Variants in SDHAF3 observed in about 807,000 individuals in gnomAD.
The protein encoded by SDHAF3 is succinate dehydrogenase complex assembly factor 3.
Under a neutral mutation model 11.5 loss-of-function variants are expected in SDHAF3, and 18 were observed. That is an observed-to-expected ratio of 1.56 (90% CI 1.08 to 2.32). The LOEUF (loss-of-function observed/expected upper bound fraction) is 2.32. Ranked by LOEUF, SDHAF3 falls within the 30% of genes most tolerant of loss-of-function variation. The pLI, the probability that SDHAF3 is intolerant of heterozygous loss-of-function variation, is 0.00. For synonymous variants in SDHAF3, 72 were observed against 59.3 expected (o/e 1.21, Z -0.99); for missense variants, 200 against 154.4 (o/e 1.30, Z -1.57).
At position 97,117,892 on chromosome 7, in the gene SDHAF3, T is replaced by G; in HGVS notation, c.169T>G (p.Trp57Gly). ...CGAGGCACAGCGTTTCTTGCAAGAA[T>G]GGGAGGCAAGTGACGCTCCCTTCTC... is the stretch of plus-strand genomic sequence containing the variant. ...SDEAQRFLQE[W>G]EVYATALLQQ... Residue 57 changes from tryptophan to glycine, a missense_variant, in exon 1 of 2, where the codon TGG (tryptophan) becomes GGG (glycine). Trp to Gly is a radical substitution (Grantham distance 184). Coordinates refer to ENST00000432641, the MANE Select transcript of SDHAF3 (RefSeq NM_020186.3). 3 of 1,613,996 alleles carry G rather than the reference T, an allele frequency of 1.9e-6. No homozygotes were observed. Among genetic ancestry groups the G allele is most frequent in the Non-Finnish European group, 2.5e-6 (3 of 1,179,896 alleles).
chr7:97,148,869 A>G (rs572795992), intron 1 of SDHAF3, among the ~76,000 whole-genome samples: 3 of 151,444 alleles, frequency 2.0e-5, no homozygotes, highest in Non-Finnish European at 2.9e-5. Context: ...AGCTATACCT[A>G]TTGTCTCCAT....
chr7:97,140,611 C>A (rs997998007), intron 1 of SDHAF3, among the ~76,000 whole-genome samples: 1 of 152,192 alleles, frequency 6.6e-6, no homozygotes, highest in African/African-American at 2.4e-5. Flanking sequence ...TAATTTCTTA[C>A]GCCTGTCTTT....
rs1054742839 is a variant in SDHAF3 at position 97,173,902 on chromosome 7, T to C, written c.175-7110T>C. On this transcript the variant is annotated intron_variant, in intron 1 of 1. Transcript: ENST00000432641. ...CAGTCAGTTTTTAAAGTTTCCTGAT[T>C]GTTTTTGTTAGCAGCTTTTTTTTCT... Among the ~76,000 whole-genome samples the C allele has an allele frequency of 2.6e-5, 4 of 151,426 alleles. 1 individual carries two copies. Among genetic ancestry groups the C allele is most frequent in the South Asian group, 4.2e-4 (2 of 4,804 alleles).
intron 1 of SDHAF3, among the ~76,000 whole-genome samples, chr7:97,129,186 TA>T (rs1300122805): frequency 6.6e-6 from 1 of 152,212 alleles, no homozygotes; most frequent in East Asian, 1.9e-4. Flanking sequence ...AATAAGAAAC[TA>T]ACCAAGAACT....
intron 1 of SDHAF3, among the ~76,000 whole-genome samples, chr7:97,176,465 T>G (rs1381988300): frequency 6.6e-6 from 1 of 152,236 alleles, no homozygotes; most frequent in African/African-American, 2.4e-5. Context: ...CAGGTAGATA[T>G]GCTTGGCGGG....
intron 1 of SDHAF3, among the ~76,000 whole-genome samples, chr7:97,146,494 T>C (rs1789137141): frequency 6.6e-6 from 1 of 152,174 alleles, no homozygotes; most frequent in South Asian, 2.1e-4. Context: ...AAAAAGAACA[T>C]AAAATAATTG....
chr7:97,119,206 T>C (rs1791454067), intron 1 of SDHAF3, among the ~76,000 whole-genome samples: 1 of 152,208 alleles, frequency 6.6e-6, no homozygotes, highest in African/African-American at 2.4e-5. Context: ...TATTAAAGTA[T>C]TTTACATCTT....
At chr7:97,122,846 C>T (rs1584206517) in intron 1 of SDHAF3, among the ~76,000 whole-genome samples, 1 of 150,908 alleles carries the variant, frequency 6.6e-6, no homozygotes, top group South Asian at 2.1e-4. Context: ...ATAAGTTGGT[C>T]AAAGATAGAA....
In SDHAF3 at chr7:97,144,673, T is replaced by C. The variant is rs184588834; in HGVS notation, c.174+26776T>C. Among the ~76,000 whole-genome samples, 5 of 152,350 alleles carry C rather than the reference T, an allele frequency of 3.3e-5. No individual in the cohort carries two copies. The East Asian group carries it at 9.6e-4, about 29-fold the overall frequency. ...CCCTATTCTGTCCCATTGGTCTATGTGCCTGTTTTTATACCAGTATCATGC... is the reference window on the plus strand; with the variant it reads ...CCCTATTCTGTCCCATTGGTCTATGCGCCTGTTTTTATACCAGTATCATGC... On this transcript the variant is annotated intron_variant, in intron 1 of 1. Coordinates refer to ENST00000432641, the MANE Select transcript of SDHAF3 (RefSeq NM_020186.3).
chr7:97,135,599 G>C lies in SDHAF3; in HGVS notation c.174+17702G>C, dbSNP rs371315200. ...TCCCCATATGTGTGTGTGTGTGTGT[G>C]TGTCTGTGTGTGTGTGTGTGTGAGA... On this transcript the variant is annotated intron_variant, in intron 1 of 1. Coordinates refer to ENST00000432641, the MANE Select transcript of SDHAF3 (RefSeq NM_020186.3). 22 of 137,088 alleles carry C rather than the reference G, an allele frequency of 1.6e-4. 1 individual carries two copies. Among genetic ancestry groups the C allele is most frequent in the African/African-American group, 2.4e-4 (9 of 37,090 alleles). 8.5% of individuals were successfully genotyped at this position (137,088 alleles called of 1,614,324 possible).
At chr7:97,137,613 A>G (rs1431121614) in intron 1 of SDHAF3, among the ~76,000 whole-genome samples, 3 of 152,140 alleles carry the variant, frequency 2.0e-5, no homozygotes, top group Non-Finnish European at 4.4e-5. Context: ...GGGGTTATGG[A>G]TATTAGTACA....
chr7:97,180,818 A>G (rs1019556827), intron 1 of SDHAF3, among the ~76,000 whole-genome samples, 194 bp from the exon 2 acceptor site: 1 of 152,208 alleles, frequency 6.6e-6, no homozygotes, highest in Non-Finnish European at 1.5e-5. Context: ...TAAAACACTT[A>G]AAGTGCTAAA....
chr7:97,143,324 G>C (rs575276071), intron 1 of SDHAF3, among the ~76,000 whole-genome samples: 1 of 151,948 alleles, frequency 6.6e-6, no homozygotes, highest in East Asian at 1.9e-4. Flanking sequence ...TTTTCCATAA[G>C]TTATTGATGT....
At chr7:97,151,826 C>T (rs575903096) in intron 1 of SDHAF3, among the ~76,000 whole-genome samples, 3 of 152,152 alleles carry the variant, frequency 2.0e-5, no homozygotes, top group Middle Eastern at 3.4e-3. Flanking sequence ...TCCTGTGGTA[C>T]GGTCTTTCCA....
intron 1 of SDHAF3, among the ~76,000 whole-genome samples, chr7:97,169,315 A>C (rs1789567027): frequency 6.6e-6 from 1 of 152,148 alleles, no homozygotes; most frequent in Non-Finnish European, 1.5e-5. Context: ...TCTCAAAAAA[A>C]AAGTATTAAT....
chr7:97,173,532 C>T (rs1260772003), intron 1 of SDHAF3, among the ~76,000 whole-genome samples: 1 of 145,558 alleles, frequency 6.9e-6, no homozygotes, highest in African/African-American at 2.6e-5. Flanking sequence ...TATTATGTCA[C>T]CTCCAAAATT....
intron 1 of SDHAF3, among the ~76,000 whole-genome samples, chr7:97,142,042 C>CTTTTTTTTTTTTTTTTTTTT (rs71131003): frequency 4.9e-5 from 3 of 61,694 alleles, no homozygotes; most frequent in East Asian, 1.3e-3. Context: ...GAATTGTTGT[C>CTTTTTTTTTTTTTTTTTTTT]TTTTTTTTTT....
At chr7:97,160,801 C>A (rs959981443) in intron 1 of SDHAF3, among the ~76,000 whole-genome samples, 1 of 152,130 alleles carries the variant, frequency 6.6e-6, no homozygotes. Flanking sequence ...GCTGCTGAAG[C>A]CTGAGCTTTG....
intron 1 of SDHAF3, chr7:97,135,450 A>G (rs1437186631): frequency 1.3e-5 from 2 of 152,002 alleles, no homozygotes; most frequent in Non-Finnish European, 2.9e-5. Context: ...AACCTGCAAC[A>G]CTAATGGGGA....
Sources: allele counts gnomAD v4.1 joint callset (sites outside exome capture counted in the v4.1 genomes callset), GRCh38; gene constraint gnomAD v4.1.1; transcripts MANE v1.5; gene names NCBI Gene and HGNC (gene_info 2026-07-23, HGNC 2026-07-21).